FCRL2: variants seen among roughly 807,000 people sequenced by gnomAD.
FCRL2 encodes the protein Fc receptor like 2, also known as Fc receptor-like protein 2.
Under a neutral mutation model 59.8 loss-of-function variants are expected in FCRL2, and 48 were observed. The observed-to-expected ratio is 0.80, with a 90% CI of 0.64 to 1.02. The LOEUF is 1.02. FCRL2 is among the 50% of genes least tolerant of loss of function. FCRL2 has a pLI of 0.00. For missense variants in FCRL2, 658 were observed against 597.3 expected (o/e 1.10, Z -1.06); for synonymous variants, 251 against 229.5 (o/e 1.09, Z -0.85).
rs770863615 is a variant in FCRL2 at position 157,767,501 on chromosome 1, A to G, written c.892T>C (p.Ser298Pro). Reference sequence around the variant, plus strand: ...GACCTGAGGGTGAGGACAGGGCGAGACACTGGAACTGACAGACACAGAGGG... The same window carrying G: ...GACCTGAGGGTGAGGACAGGGCGAGGCACTGGAACTGACAGACACAGAGGG... ...VVNIPVRIPVSRPVLTLRSPG... is the reference protein window; with the variant it reads ...VVNIPVRIPVPRPVLTLRSPG... The change falls in exon 6 of 12, where the codon TCT becomes CCT. Residue 298 changes from serine (S) to proline (P), a missense_variant. By Grantham distance (74) the Ser-to-Pro change is moderately conservative. Coordinates refer to ENST00000361516, the MANE Select transcript of FCRL2 (RefSeq NM_030764.4). The G allele has an allele frequency of 6.2e-7, 1 of 1,614,244 alleles. No homozygotes were observed. Among genetic ancestry groups the G allele is most frequent in the Non-Finnish European group, 8.5e-7 (1 of 1,180,036 alleles).
chr1:157,771,016 T>C (rs1332981007), intron 2 of FCRL2, among the ~76,000 whole-genome samples: 1 of 152,194 alleles, frequency 6.6e-6, no homozygotes, highest in East Asian at 1.9e-4. Context: ...CGTCACATGA[T>C]GGAAAACTAA....
At chr1:157,759,613 A>G (rs766277334) in intron 7 of FCRL2, among the ~76,000 whole-genome samples, 6 of 152,230 alleles carry the variant, frequency 3.9e-5, no homozygotes, top group Non-Finnish European at 7.3e-5. Context: ...AAACCAAACA[A>G]CACTATTTAA....
At chr1:157,768,318 T>C (rs937464964) in intron 5 of FCRL2, 96 bp downstream of exon 5, 1 of 1,336,968 alleles carries the variant, frequency 7.5e-7, no homozygotes. Flanking sequence ...TCCACAGCAC[T>C]AATCCCTGGG....
chr1:157,761,687 A>G (rs1027989213), intron 7 of FCRL2, among the ~76,000 whole-genome samples: 7 of 152,194 alleles, frequency 4.6e-5, no homozygotes, highest in Non-Finnish European at 1.0e-4. Flanking sequence ...TGGATGACAC[A>G]ATAATTGGGT....
At chr1:157,753,589 C>T (rs552883002) in intron 7 of FCRL2, among the ~76,000 whole-genome samples, 1 of 152,340 alleles carries the variant, frequency 6.6e-6, no homozygotes, top group South Asian at 2.1e-4. Context: ...TATTCACCAA[C>T]TGGCAAGCTC....
chr1:157,747,783 C>T (rs747656081), intron 10 of FCRL2, among the ~76,000 whole-genome samples: 3 of 152,194 alleles, frequency 2.0e-5, no homozygotes, highest in East Asian at 1.9e-4. Context: ...TGCAAAGCTA[C>T]GTGTCAAAGT....
At chr1:157,774,210 A>G (rs1339104429) in intron 2 of FCRL2, among the ~76,000 whole-genome samples, 2 of 152,180 alleles carry the variant, frequency 1.3e-5, no homozygotes, top group African/African-American at 4.8e-5. Context: ...CATTGAGGCA[A>G]TGGATGGGGA....
chr1:157,761,047 TAGATAAG>T (rs1446846301), intron 7 of FCRL2, among the ~76,000 whole-genome samples: 7 of 152,350 alleles, frequency 4.6e-5, no homozygotes, highest in African/African-American at 1.7e-4. Flanking sequence ...CCTGTTGCAG[TAGATAAG>T]TGTAAGAAAG....
chr1:157,770,563 A>G lies in FCRL2; in HGVS notation c.156T>C (p.His52=), dbSNP rs2101752848. ...AAACAGATAACTCTTTGTTATCCTT[A>G]TGGTAAGCCATCTTCTGAATTTTCC... ...QNWKIQKMAY[H]KDNKELSVFK... The change falls in exon 3 of 12, where the codon CAT becomes CAC. Residue 52 remains histidine, a synonymous_variant. Coordinates refer to ENST00000361516, the MANE Select transcript of FCRL2 (RefSeq NM_030764.4). The G allele has an allele frequency of 6.2e-7, 1 of 1,614,214 alleles. No individual in the cohort carries two copies. Among genetic ancestry groups the G allele is most frequent in the Non-Finnish European group, 8.5e-7 (1 of 1,180,024 alleles).
intron 1 of FCRL2, 47 bp downstream of exon 1, chr1:157,776,996 C>A (rs535740889): frequency 7.7e-6 from 12 of 1,565,346 alleles, no homozygotes; most frequent in Middle Eastern, 1.7e-4. Context: ...GAGCAGTAGA[C>A]CTCATTCAGC....
In FCRL2 at chr1:157,767,284, G is replaced by A; in HGVS notation, c.1109C>T (p.Ala370Val). ...GCACTGGGCCCCCAGGCCGTTGTTG[G>A]CCTCACAGGAGTAGTTTCCAGAATG... The part of the protein sequence containing the change: ...AEHSGNYSCE[A>V]NNGLGAQCSE... Residue 370 changes from alanine (A) to valine (V), a missense_variant, in exon 6 of 12, where the codon GCC becomes GTC. Coordinates refer to ENST00000361516, the MANE Select transcript of FCRL2 (RefSeq NM_030764.4). The A allele has an allele frequency of 1.2e-6, 2 of 1,614,256 alleles. No individual in the cohort carries two copies. The highest frequency in any genetic ancestry group is 1.7e-6 in the Non-Finnish European group (2 of 1,180,030).
Position 157,766,909 on chromosome 1 carries a change from G to T in FCRL2, c.1225C>A (p.Leu409Ile). ...AGVLWGLFGV[L>I]GFTGVALLLY... ...AGCAAAGCAACACCAGTGAAACCAA[G>T]GACACCAAACAGTCCCCAGAGAACT... is the stretch of plus-strand genomic sequence containing the variant. Residue 409 changes from leucine to isoleucine, a missense_variant, in exon 7 of 12, where the codon CTT (leucine) becomes ATT (isoleucine). Physicochemically the swap from Leu to Ile is conservative, Grantham distance 5. Coordinates refer to ENST00000361516, the MANE Select transcript of FCRL2 (RefSeq NM_030764.4). 6.2e-7 allele frequency: 1 copy of T among 1,614,156 alleles called. No individual in the cohort carries two copies. Among genetic ancestry groups the T allele is most frequent in the Non-Finnish European group, 8.5e-7 (1 of 1,180,030 alleles).
In FCRL2 at chr1:157,746,887, G is replaced by A; in HGVS notation, c.1472C>T (p.Thr491Ile). Residue 491 changes from threonine (T) to isoleucine (I), a missense_variant, in exon 11 of 12, where the codon ACA becomes ATA. By Grantham distance (89) the Thr-to-Ile change is moderately conservative. Transcript: ENST00000361516. ...QQPESSANIR[T>I]LLENKDSQVI... ...CTAGCTCACCTTGTTCTCCAGAAGT[G>A]TCCTGATGTTTGCTGTTAAGGAAAA... is the stretch of plus-strand genomic sequence containing the variant. 6.2e-7 allele frequency: 1 copy of A among 1,613,866 alleles called. No homozygotes were observed. Among genetic ancestry groups the A allele is most frequent in the East Asian group, 2.2e-5 (1 of 44,880 alleles).
Position 157,767,250 on chromosome 1 carries a change from T to A in FCRL2, c.1143A>T (p.Ala381=). The change falls in exon 6 of 12, where the codon GCA becomes GCT. Residue 381 remains alanine, a synonymous_variant. Transcript: ENST00000361516. The part of the protein sequence containing the change: ...NNGLGAQCSE[A]VPVSISGPDG... Reference sequence around the variant, plus strand: ...ACCCACCTGAGATGGAGACTGGCACTGCCTCACTGCACTGGGCCCCCAGGC... The same window carrying A: ...ACCCACCTGAGATGGAGACTGGCACAGCCTCACTGCACTGGGCCCCCAGGC... 1 of 1,613,458 alleles carries A rather than the reference T, an allele frequency of 6.2e-7. No homozygotes were observed. Among genetic ancestry groups the A allele is most frequent in the Non-Finnish European group, 8.5e-7 (1 of 1,179,650 alleles).
At chr1:157,754,067 C>G (rs986909038) in intron 7 of FCRL2, among the ~76,000 whole-genome samples, 2 of 134,126 alleles carry the variant, frequency 1.5e-5, no homozygotes, top group Non-Finnish European at 3.3e-5. Context: ...AAGAATATTT[C>G]TGGATGTGTC....
At chr1:157,755,536 T>C (rs1648519771) in intron 7 of FCRL2, among the ~76,000 whole-genome samples, 1 of 152,178 alleles carries the variant, frequency 6.6e-6, no homozygotes, top group Non-Finnish European at 1.5e-5. Context: ...AGGCATACTG[T>C]ACATGTAAGA....
chr1:157,746,654 A>G lies in FCRL2; in HGVS notation c.*82T>C. ...CTGGCTGTGGCAGGTGATAAGCCTC[A>G]AGCATTTTCATAAGGTTTTATAGCA... On this transcript the variant is annotated 3_prime_UTR_variant, in exon 12 of 12. Transcript: ENST00000361516. 2 of 1,446,930 alleles carry G rather than the reference A, an allele frequency of 1.4e-6. No individual in the cohort carries two copies. Among genetic ancestry groups the G allele is most frequent in the South Asian group, 1.2e-5 (1 of 86,010 alleles). The allele number at this position is 1,446,930 out of a possible 1,614,324, so 89.6% of individuals were successfully genotyped here.
At chr1:157,774,492 A>G (rs1279724353) in intron 2 of FCRL2, 1 of 455,616 alleles carries the variant, frequency 2.2e-6, no homozygotes, top group Admixed American at 2.4e-5. Flanking sequence ...TCTGAAGAAC[A>G]TCTCAGTTTT....
At chr1:157,753,352 A>G (rs780334382) in intron 7 of FCRL2, among the ~76,000 whole-genome samples, 134 of 152,366 alleles carry the variant, frequency 8.8e-4, no homozygotes, top group Non-Finnish European at 1.7e-3. Flanking sequence ...AAATGGCTAT[A>G]AACTGGGGAT....
Sources: gnomAD v4.1 joint callset for allele counts (sites outside exome capture counted in the v4.1 genomes callset) on GRCh38, gnomAD v4.1.1 for gene constraint, MANE v1.5 for transcripts, NCBI Gene and HGNC (gene_info 2026-07-23, HGNC 2026-07-21) for gene names.